Variants in BCKDHB observed in about 807,000 individuals in gnomAD.
BCKDHB encodes the protein 2-oxoisovalerate dehydrogenase subunit beta, mitochondrial.
In BCKDHB, 41 loss-of-function variants were observed where a neutral mutation model predicts 48.5. The ratio of observed to expected loss-of-function variants is 0.85; its 90% CI spans 0.66 to 1.10. The LOEUF (loss-of-function observed/expected upper bound fraction) is 1.10. Among genes scored for constraint, BCKDHB ranks in the 50% least tolerant of loss-of-function variants. BCKDHB has a pLI of 0.00. For missense variants in BCKDHB, 496 were observed against 494.2 expected, an observed-to-expected ratio of 1.00 and a Z score of -0.03; for synonymous variants, 201 against 174.8, an observed-to-expected ratio of 1.15 and a Z score of -1.18.
At chr6:80,204,939 A>G (rs890055100) in intron 8 of BCKDHB, among the ~76,000 whole-genome samples, 1 of 152,026 alleles carries the variant, frequency 6.6e-6, no homozygotes, top group Non-Finnish European at 1.5e-5. Flanking sequence ...ATGAAAGAGG[A>G]GACAAGCGAT....
chr6:80,168,406 AAGGG>A (rs140663956), intron 4 of BCKDHB, among the ~76,000 whole-genome samples: 7 of 89,770 alleles, frequency 7.8e-5, no homozygotes, highest in African/African-American at 3.2e-4. Context: ...GAAAGAAGGG[AAGGG>A]AGGGAGGGAG....
chr6:80,269,565 G>A (rs1211041893), intron 8 of BCKDHB, among the ~76,000 whole-genome samples: 6 of 151,990 alleles, frequency 3.9e-5, no homozygotes, highest in Middle Eastern at 6.8e-3. Context: ...GCCATAGCCC[G>A]GAATCCAGGA....
intron 6 of BCKDHB, among the ~76,000 whole-genome samples, chr6:80,184,696 G>A (rs994941913): frequency 6.6e-6 from 1 of 151,980 alleles, no homozygotes; most frequent in African/African-American, 2.4e-5. Context: ...ATTTATGAAG[G>A]TTAGTTTTGC....
chr6:80,426,399 A>G, the BCKDHB span, among the ~76,000 whole-genome samples: 1 of 152,068 alleles, frequency 6.6e-6, no homozygotes, highest in African/African-American at 2.4e-5. Flanking sequence ...TCCTTCTAGC[A>G]TATTAAGATG....
At chr6:80,456,029 A>G in the BCKDHB span, among the ~76,000 whole-genome samples, 5,276 of 152,052 alleles carry the variant, frequency 0.035, 319 homozygotes, top group African/African-American at 0.12. Context: ...AGCCTAGCCA[A>G]TATGGTGAAA....
the BCKDHB span, among the ~76,000 whole-genome samples, chr6:80,361,181 C>T: frequency 6.6e-6 from 1 of 152,116 alleles, no homozygotes; most frequent in African/African-American, 2.4e-5. Flanking sequence ...TACTCATCAC[C>T]TTGTGCTGGG....
chr6:80,363,396 T>C, the BCKDHB span, among the ~76,000 whole-genome samples: 1 of 152,188 alleles, frequency 6.6e-6, no homozygotes, highest in African/African-American at 2.4e-5. Context: ...CAAGAAACTG[T>C]TTTTTCAAGA....
At chr6:80,402,332 A>C in the BCKDHB span, among the ~76,000 whole-genome samples, 3 of 151,662 alleles carry the variant, frequency 2.0e-5, no homozygotes, top group Non-Finnish European at 4.4e-5. Flanking sequence ...ATGATATCTT[A>C]TTGTGGTTTT....
chr6:80,124,209 G>A (rs1168262070), intron 1 of BCKDHB, among the ~76,000 whole-genome samples: 2 of 152,148 alleles, frequency 1.3e-5, no homozygotes, highest in African/African-American at 2.4e-5. Flanking sequence ...GGTTTTGAGT[G>A]AGTTTCTTAA....
chr6:80,308,559 A>G (rs1269716967), intron 9 of BCKDHB, among the ~76,000 whole-genome samples: 1 of 151,912 alleles, frequency 6.6e-6, no homozygotes, highest in East Asian at 1.9e-4. Flanking sequence ...ATGGGGAAAA[A>G]AAACCCAACA....
rs575991853 is a variant in BCKDHB at position 80,177,225 on chromosome 6, C to CAAAAAAAA, written c.742+5858_742+5865dup. ...CCTGGATGACAGTGAGACCTTGTCT[C>CAAAAAAAA]AAAAAAAAAAAAAAAAAAAAAAAAA... On this transcript the variant is annotated intron_variant, in intron 6 of 9. Transcript: ENST00000320393. Among the ~76,000 whole-genome samples the CAAAAAAAA allele has an allele frequency of 4.9e-4, 21 of 43,160 alleles. 3 individuals are homozygous for CAAAAAAAA. Among genetic ancestry groups the CAAAAAAAA allele is most frequent in the East Asian group, 6.2e-4 (1 of 1,624 alleles). 28.3% of individuals were successfully genotyped at this position (43,160 alleles called of 152,430 possible).
chr6:80,107,371 C>A (rs1008786777), intron 1 of BCKDHB, among the ~76,000 whole-genome samples: 14 of 142,958 alleles, frequency 9.8e-5, no homozygotes, highest in African/African-American at 3.3e-4. Flanking sequence ...TATATAAAAT[C>A]AATTCAGTTA....
At chr6:80,159,437 A>G (rs1394476178) in intron 3 of BCKDHB, among the ~76,000 whole-genome samples, 1 of 152,218 alleles carries the variant, frequency 6.6e-6, no homozygotes, top group Non-Finnish European at 1.5e-5. Context: ...TCCCAATACA[A>G]GATAAACTGT....
chr6:80,271,060 G>C (rs1423452129), intron 8 of BCKDHB, among the ~76,000 whole-genome samples: 1 of 151,974 alleles, frequency 6.6e-6, no homozygotes, highest in Non-Finnish European at 1.5e-5. Context: ...TCACTGCATT[G>C]CTCGGGAGAA....
chr6:80,383,852 G>GT, the BCKDHB span, among the ~76,000 whole-genome samples: 1 of 151,678 alleles, frequency 6.6e-6, no homozygotes, highest in Non-Finnish European at 1.5e-5. Flanking sequence ...AGTTAATTGT[G>GT]TTTTTTATAT....
At chr6:80,129,726 C>T (rs79604924) in intron 3 of BCKDHB, among the ~76,000 whole-genome samples, 2,320 of 152,222 alleles carry the variant, frequency 0.015, 56 homozygotes, top group African/African-American at 0.052. Flanking sequence ...TGACTTGAAA[C>T]TCAGGCAGGG....
At chr6:80,379,874 A>G in the BCKDHB span, among the ~76,000 whole-genome samples, 2 of 152,052 alleles carry the variant, frequency 1.3e-5, no homozygotes, top group African/African-American at 4.8e-5. Flanking sequence ...AACGCTTAGG[A>G]ATACATTTAA....
chr6:80,275,791 T>C (rs1006616487), intron 9 of BCKDHB, among the ~76,000 whole-genome samples: 1 of 151,916 alleles, frequency 6.6e-6, no homozygotes, highest in Non-Finnish European at 1.5e-5. Flanking sequence ...TGTATTGAGC[T>C]TCCTCTCTAT....
the BCKDHB span, among the ~76,000 whole-genome samples, chr6:80,376,913 A>C: frequency 0.075 from 11,464 of 152,076 alleles, 492 homozygotes; most frequent in South Asian, 0.15. Flanking sequence ...TTCAATATTG[A>C]GTTGTAGTTC....
Sources: gnomAD v4.1 joint callset for allele counts (sites outside exome capture counted in the v4.1 genomes callset) on GRCh38, gnomAD v4.1.1 for gene constraint, MANE v1.5 for transcripts, NCBI Gene and HGNC (gene_info 2026-07-23, HGNC 2026-07-21) for gene names.